DPYSL4: variants seen among roughly 807,000 people sequenced by gnomAD.
DPYSL4 encodes the protein dihydropyrimidinase-related protein 4.
DPYSL4 carries 43 observed loss-of-function variants against 63.4 expected under a neutral mutation model. That is an observed-to-expected ratio of 0.68 (90% CI 0.53 to 0.88). DPYSL4 has a LOEUF of 0.88. Among genes scored for constraint, DPYSL4 ranks in the 40% least tolerant of loss-of-function variants. The probability of loss-of-function intolerance (pLI) is 0.00; values close to 1 mark genes in which losing one functional copy is unlikely to be tolerated. For missense variants in DPYSL4, 733 were observed against 819.5 expected (o/e 0.89, Z 1.29); for synonymous variants, 353 against 331.7 (o/e 1.06, Z -0.70).
intron 7 of DPYSL4, 29 bp from the exon 8 acceptor site, chr10:132,198,822 T>TG: frequency 6.2e-7 from 1 of 1,611,670 alleles, no homozygotes; most frequent in Non-Finnish European, 8.5e-7. Context: ...GGCCCTCGTG[T>TG]GGCCTCATCC....
chr10:132,202,864 G>C (rs1590106428), intron 12 of DPYSL4, 39 bp downstream of exon 12: 1 of 1,553,510 alleles, frequency 6.4e-7, no homozygotes, highest in Admixed American at 1.8e-5. Context: ...CAGGTAGGCA[G>C]GTGGGCGCTG....
At chr10:132,201,222 C>G (rs557426951) in intron 10 of DPYSL4, among the ~76,000 whole-genome samples, 1 of 152,258 alleles carries the variant, frequency 6.6e-6, no homozygotes, top group African/African-American at 2.4e-5. Context: ...TCAGCAGACT[C>G]TAGTGTTGCC....
chr10:132,199,107 G>C, intron 8 of DPYSL4, 136 bp downstream of exon 8: 2 of 1,332,080 alleles, frequency 1.5e-6, no homozygotes, highest in Admixed American at 5.4e-5. Flanking sequence ...CATCGGGGTG[G>C]GGCACTGGAC....
chr10:132,200,840 A>G lies in DPYSL4; in HGVS notation c.969-2A>G. 2.5e-6 allele frequency: 4 copies of G among 1,611,852 alleles called. No individual in the cohort carries two copies. The highest frequency in any genetic ancestry group is 3.4e-6 in the Non-Finnish European group (4 of 1,179,458). ...GACCCTCTGACCCTGGCTTGTTTCC[A>G]GCGGGGACCTCCAGGTGACAGGCAG... On this transcript the variant is annotated splice_acceptor_variant, in intron 9 of 13. Transcript: ENST00000338492. LOFTEE classifies it high-confidence loss of function.
At chr10:132,191,256 C>T (rs1265173512) in intron 2 of DPYSL4, among the ~76,000 whole-genome samples, 2 of 110,880 alleles carry the variant, frequency 1.8e-5, no homozygotes, top group African/African-American at 3.3e-5. Context: ...GTTCCCAGCT[C>T]GTGTGTACAC....
chr10:132,197,092 C>T lies in DPYSL4; in HGVS notation c.612C>T (p.Ile204=), dbSNP rs1438233887. ...AGGTGCACGCTGAGAACGGGGACAT[C>T]GTGGAGGAGGTGCCGTGGGGCAGGG... ...LAQVHAENGD[I]VEEEQKRLLE... is the part of the protein sequence containing the mutation. Residue 204 remains isoleucine (I), a synonymous_variant, in exon 6 of 14, where the codon ATC becomes ATT. Transcript: ENST00000338492. The T allele has an allele frequency of 2.6e-6, 4 of 1,519,974 alleles. No individual in the cohort carries two copies. Among genetic ancestry groups the T allele is most frequent in the Admixed American group, 2.0e-5 (1 of 49,056 alleles). 94.2% of individuals were successfully genotyped at this position (1,519,974 alleles called of 1,614,324 possible). A position where few individuals can be genotyped will look rare whatever the true frequency, so the allele number is the denominator to read the frequency against.
At position 132,202,722 on chromosome 10, in the gene DPYSL4, C is replaced by T. The variant is rs375295364; in HGVS notation, c.1358C>T (p.Ala453Val). ...GTGGTCATAAGTCAGGGCCGAGTGGCGCTGGAGGACGGGAAGATGTTTGTC... is the reference window on the plus strand; with the variant it reads ...GTGGTCATAAGTCAGGGCCGAGTGGTGCTGGAGGACGGGAAGATGTTTGTC... ...PAVVISQGRV[A>V]LEDGKMFVTP... The change falls in exon 12 of 14, where the codon GCG (alanine) becomes GTG (valine). Residue 453 changes from alanine to valine, a missense_variant. Coordinates refer to ENST00000338492, the MANE Select transcript of DPYSL4 (RefSeq NM_006426.3). 13 of 1,613,244 alleles carry T rather than the reference C, an allele frequency of 8.1e-6. No individual in the cohort carries two copies. Among genetic ancestry groups the T allele is most frequent in the South Asian group, 4.4e-5 (4 of 91,086 alleles).
In DPYSL4 at chr10:132,200,977, A is replaced by G; in HGVS notation, c.1104A>G (p.Lys368=). The part of the protein sequence containing the change: ...IEERMSMVWE[K]CVASGKMDEN... ...AGCGCATGTCGATGGTCTGGGAGAAATGTGTGGTGAGCACAGGCCTGGCCG... is the reference window on the plus strand; with the variant it reads ...AGCGCATGTCGATGGTCTGGGAGAAGTGTGTGGTGAGCACAGGCCTGGCCG... The change falls in exon 10 of 14, where the codon AAA becomes AAG. Residue 368 remains lysine, a synonymous_variant. Transcript: ENST00000338492. 6.2e-7 allele frequency: 1 copy of G among 1,613,038 alleles called. No individual in the cohort carries two copies. Among genetic ancestry groups the G allele is most frequent in the Non-Finnish European group, 8.5e-7 (1 of 1,179,876 alleles).
chr10:132,203,228 ACTGGG>A (rs956291830), intron 12 of DPYSL4, among the ~76,000 whole-genome samples: 1 of 152,116 alleles, frequency 6.6e-6, no homozygotes, highest in Admixed American at 6.5e-5. Flanking sequence ...TGATTTGTGG[ACTGGG>A]GCGTGTGCTC....
chr10:132,197,404 T>G (rs1017786794), intron 6 of DPYSL4, among the ~76,000 whole-genome samples: 1 of 152,204 alleles, frequency 6.6e-6, no homozygotes, highest in African/African-American at 2.4e-5. Context: ...GCCCCTCCTG[T>G]GGAGCGGGGT....
intron 4 of DPYSL4, among the ~76,000 whole-genome samples, chr10:132,196,378 G>A (rs968252139): frequency 6.6e-6 from 1 of 152,230 alleles, no homozygotes; most frequent in African/African-American, 2.4e-5. Context: ...GGTCCCACAA[G>A]CCTGCACTGT....
In DPYSL4 at chr10:132,203,814, A is replaced by C. The variant is rs2062055974; in HGVS notation, c.1514A>C (p.Glu505Ala). Residue 505 changes from glutamate (E) to alanine (A), a missense_variant, in exon 13 of 14, where the codon GAG becomes GCG. Glu to Ala is a moderately radical substitution (Grantham distance 107). Coordinates refer to ENST00000338492, the MANE Select transcript of DPYSL4 (RefSeq NM_006426.3). Reference protein sequence around the residue: ...PRGLYDGPVHEVMVPAKPGSG... With the variant: ...PRGLYDGPVHAVMVPAKPGSG... The stretch of plus-strand genomic sequence containing the variant: ...GGACTGTATGACGGGCCCGTCCACG[A>C]GGTGATGGTGCCTGCCAAGCCAGGG... The C allele has an allele frequency of 6.2e-7, 1 of 1,612,344 alleles. No homozygotes were observed. Among genetic ancestry groups the C allele is most frequent in the South Asian group, 1.1e-5 (1 of 91,048 alleles).
intron 6 of DPYSL4, 78 bp downstream of exon 6, chr10:132,197,179 G>T: frequency 1.6e-6 from 2 of 1,283,380 alleles, no homozygotes; most frequent in Non-Finnish European, 1.0e-6. Context: ...GTGGGGCAGG[G>T]GTCTGAGGGT....
Position 132,200,978 on chromosome 10 carries a change from T to C in DPYSL4, c.1105T>C (p.Cys369Arg), listed in dbSNP as rs780507955. ...EERMSMVWEK[C>R]VASGKMDENE... ...GCGCATGTCGATGGTCTGGGAGAAA[T>C]GTGTGGTGAGCACAGGCCTGGCCGG... Residue 369 changes from cysteine (C) to arginine (R), a missense_variant, in exon 10 of 14, where the codon TGT becomes CGT. By Grantham distance (180) the Cys-to-Arg change is radical. Coordinates refer to ENST00000338492, the MANE Select transcript of DPYSL4 (RefSeq NM_006426.3). 1.9e-6 allele frequency: 3 copies of C among 1,612,836 alleles called. No homozygotes were observed. The highest frequency in any genetic ancestry group is 2.5e-6 in the Non-Finnish European group (3 of 1,179,864).
intron 2 of DPYSL4, among the ~76,000 whole-genome samples, chr10:132,191,513 A>C (rs1459064428): frequency 6.5e-5 from 5 of 76,402 alleles, no homozygotes; most frequent in Non-Finnish European, 5.7e-5. Context: ...CAGGCAGATG[A>C]ACATAGTTCC....
At chr10:132,187,374 CTGCCCGGCCT>C (rs1232873825) in intron 1 of DPYSL4, among the ~76,000 whole-genome samples, 104 of 17,132 alleles carry the variant, frequency 6.1e-3, no homozygotes, top group Middle Eastern at 0.024. Flanking sequence ...CTGCCGGGCC[CTGCCCGGCCT>C]TGCCCGGCCT....
rs1388244369 is a variant in DPYSL4, at chr10:132,204,946, C to T, written c.*16C>T. ...TCTCTCCTAGACGCCCAGGACCGGC[C>T]CTGTGAGCCGTGCTGGCCCCACCCG... On this transcript the variant is annotated 3_prime_UTR_variant, in exon 14 of 14. Transcript: ENST00000338492. 1 of 1,602,508 alleles carries T rather than the reference C, an allele frequency of 6.2e-7. No homozygotes were observed. Among genetic ancestry groups the T allele is most frequent in the Non-Finnish European group, 8.5e-7 (1 of 1,173,868 alleles).
chr10:132,205,339 C>A lies in DPYSL4; in HGVS notation c.*409C>A. The A allele has an allele frequency of 6.1e-6, 1 of 164,590 alleles. No homozygotes were observed. The allele number at this position is 164,590 out of a possible 1,614,324, so 10.2% of individuals were successfully genotyped here. On this transcript the variant is annotated 3_prime_UTR_variant, in exon 14 of 14. Transcript: ENST00000338492. ...CCTGGTGGGCATTTGCCGCCGCCTC[C>A]CCACCACCAGTCACTGCCTCGCAGA... is the stretch of plus-strand genomic sequence containing the variant.
rs753834082 is a variant in DPYSL4 at position 132,187,136 on chromosome 10, G to A, written c.39+34G>A. On this transcript the variant is annotated intron_variant, in intron 1 of 13. Coordinates refer to ENST00000338492, the MANE Select transcript of DPYSL4 (RefSeq NM_006426.3). ...GGTCCCGCTTCGCCCGGCGCCCCCTGCCCGCCGCCCGGAGTGGGGCCTGGA... is the reference window on the plus strand; with the variant it reads ...GGTCCCGCTTCGCCCGGCGCCCCCTACCCGCCGCCCGGAGTGGGGCCTGGA... 5 of 1,496,390 alleles carry A rather than the reference G, an allele frequency of 3.3e-6. No individual in the cohort carries two copies. The South Asian group carries it at 3.8e-5, about 11-fold the overall frequency. The allele number at this position is 1,496,390 out of a possible 1,614,324, so 92.7% of individuals were successfully genotyped here. A position where few individuals can be genotyped will look rare whatever the true frequency, so the allele number is the denominator to read the frequency against.
Sources: gnomAD v4.1 joint callset for allele counts (sites outside exome capture counted in the v4.1 genomes callset) on GRCh38, gnomAD v4.1.1 for gene constraint, MANE v1.5 for transcripts, NCBI Gene and HGNC (gene_info 2026-07-23, HGNC 2026-07-21) for gene names.